PCDH9: variants seen among roughly 807,000 people sequenced by gnomAD.
The protein encoded by PCDH9 is protocadherin-9.
In PCDH9, 24 loss-of-function variants were observed where a neutral mutation model predicts 70.6. That is an observed-to-expected ratio of 0.34 (90% CI 0.25 to 0.48). PCDH9 has a LOEUF of 0.48. Ranked by LOEUF, PCDH9 falls within the 20% of genes least tolerant of loss-of-function variation. The pLI is 0.99. For missense variants in PCDH9, 1,281 were observed against 1,503.6 expected (o/e 0.85, Z 2.45); for synonymous variants, 562 against 558.5 (o/e 1.01, Z -0.09).
chr13:66,372,720 T>C (rs1250969283), intron 4 of PCDH9, among the ~76,000 whole-genome samples: 3 of 151,824 alleles, frequency 2.0e-5, no homozygotes, highest in Non-Finnish European at 4.4e-5. Context: ...GATCTGGGTA[T>C]GAAGCAATTT....
At chr13:66,945,171 C>A (rs1047245678) in intron 2 of PCDH9, among the ~76,000 whole-genome samples, 4 of 151,590 alleles carry the variant, frequency 2.6e-5, no homozygotes, top group African/African-American at 9.7e-5. Flanking sequence ...TTGCTCTGAG[C>A]CAGCTTTTAC....
chr13:66,316,903 A>G (rs1353574914), intron 4 of PCDH9, among the ~76,000 whole-genome samples: 1 of 151,994 alleles, frequency 6.6e-6, no homozygotes, highest in Non-Finnish European at 1.5e-5. Context: ...TTGTATTTTT[A>G]GTAGAGATGG....
At position 66,419,915 on chromosome 13, in the gene PCDH9, T is replaced by A. The variant is rs1014718813; in HGVS notation, c.3341-114887A>T. ...CCCTATGGAACCTAGCAAGCTAAGA[T>A]CCACTGGCTTGAAATTCTCGCTGCC... On this transcript the variant is annotated intron_variant, in intron 4 of 4. Transcript: ENST00000377865. Among the ~76,000 whole-genome samples the A allele has an allele frequency of 3.3e-5, 5 of 152,102 alleles. No homozygotes were observed. In the East Asian group the frequency reaches 9.7e-4, roughly 29 times the overall value.
rs1010132587 is a variant in PCDH9, at chr13:66,653,156, G to C, written c.3139-21745C>G. Among the ~76,000 whole-genome samples the C allele has an allele frequency of 2.6e-5, 4 of 152,048 alleles. No individual in the cohort carries two copies. The East Asian group carries it at 7.7e-4, about 29-fold the overall frequency. On this transcript the variant is annotated intron_variant, in intron 3 of 4. Transcript: ENST00000377865. ...AAATAGACAAATGAGATCACATCAA[G>C]TTAAAAAGCTTCTTCACAGCAAAGG...
chr13:66,649,451 A>G (rs370138234), intron 3 of PCDH9, among the ~76,000 whole-genome samples: 1 of 152,090 alleles, frequency 6.6e-6, no homozygotes, highest in Non-Finnish European at 1.5e-5. Flanking sequence ...CTAGAACAGT[A>G]TATCAAACAA....
At chr13:66,351,417 G>T (rs1187153315) in intron 4 of PCDH9, among the ~76,000 whole-genome samples, 1 of 152,108 alleles carries the variant, frequency 6.6e-6, no homozygotes, top group Non-Finnish European at 1.5e-5. Flanking sequence ...GAAATTAGTT[G>T]TTTGTTGTAT....
chr13:66,508,001 G>A (rs1264642999), intron 4 of PCDH9, among the ~76,000 whole-genome samples: 2 of 152,108 alleles, frequency 1.3e-5, no homozygotes, highest in Admixed American at 6.6e-5. Context: ...GATTACAGGC[G>A]TGAGCCATCG....
intron 2 of PCDH9, among the ~76,000 whole-genome samples, chr13:66,914,053 G>A (rs1480085543): frequency 2.6e-5 from 4 of 151,924 alleles, no homozygotes; most frequent in South Asian, 2.1e-4. Flanking sequence ...TTACAGTGAT[G>A]TTGGATAGGA....
At chr13:66,504,254 T>G (rs1218741244) in intron 4 of PCDH9, among the ~76,000 whole-genome samples, 2 of 152,240 alleles carry the variant, frequency 1.3e-5, no homozygotes, top group African/African-American at 4.8e-5. Context: ...AAGCACATTT[T>G]GATATTTGTG....
Position 66,939,627 on chromosome 13 carries a change from C to T in PCDH9, c.3037-36022G>A, listed in dbSNP as rs533568025. ...AAGTTTTGTATTTTTAGTAGAGACA[C>T]GGCTGGTCTTGAACTCCTGACCTCA... On this transcript the variant is annotated intron_variant, in intron 2 of 4. Transcript: ENST00000377865. 6.6e-5 allele frequency among the ~76,000 whole-genome samples: 10 copies of T among 151,990 alleles called. 1 individual carries two copies. In the South Asian group the frequency reaches 1.9e-3, roughly 28 times the overall value.
chr13:67,132,853 G>T (rs917315666), intron 2 of PCDH9, among the ~76,000 whole-genome samples: 8 of 151,950 alleles, frequency 5.3e-5, no homozygotes, highest in Non-Finnish European at 1.5e-5. Context: ...CTTACTTCTA[G>T]CTAAAACTCT....
chr13:66,729,445 G>A (rs571147898), intron 3 of PCDH9, among the ~76,000 whole-genome samples: 6 of 152,188 alleles, frequency 3.9e-5, no homozygotes, highest in African/African-American at 1.4e-4. Context: ...CCAGAGACAT[G>A]TTCATAAATT....
At chr13:66,773,584 T>G (rs889157799) in intron 3 of PCDH9, among the ~76,000 whole-genome samples, 1 of 150,618 alleles carries the variant, frequency 6.6e-6, no homozygotes, top group Admixed American at 6.6e-5. Flanking sequence ...GAGCCGAGAT[T>G]GCGCTACTGC....
intron 4 of PCDH9, among the ~76,000 whole-genome samples, chr13:66,402,880 A>G (rs1320935061): frequency 6.6e-6 from 1 of 152,214 alleles, no homozygotes; most frequent in Non-Finnish European, 1.5e-5. Context: ...TGTTTTAAAT[A>G]CTTTCCAATG....
chr13:66,845,734 G>T (rs2081197115), intron 3 of PCDH9, among the ~76,000 whole-genome samples: 1 of 152,144 alleles, frequency 6.6e-6, no homozygotes, highest in African/African-American at 2.4e-5. Context: ...CTCCATATGG[G>T]CCGCCACTGC....
chr13:66,674,169 G>C (rs978713198), intron 3 of PCDH9, among the ~76,000 whole-genome samples: 23 of 151,816 alleles, frequency 1.5e-4, no homozygotes, highest in Non-Finnish European at 5.9e-5. Context: ...AAATAATACA[G>C]ATAATATAAC....
chr13:66,945,761 T>C (rs936482020), intron 2 of PCDH9, among the ~76,000 whole-genome samples: 1 of 152,130 alleles, frequency 6.6e-6, no homozygotes, highest in African/African-American at 2.4e-5. Flanking sequence ...GTTCTTCCCT[T>C]CCCATGTTAC....
intron 2 of PCDH9, among the ~76,000 whole-genome samples, chr13:67,183,461 A>G (rs1010908232): frequency 2.0e-5 from 3 of 152,198 alleles, no homozygotes; most frequent in African/African-American, 7.2e-5. Context: ...AACTCCAAAT[A>G]TCTCAGCTGC....
intron 4 of PCDH9, among the ~76,000 whole-genome samples, chr13:66,491,831 T>A (rs187203686): frequency 6.6e-6 from 1 of 152,180 alleles, no homozygotes; most frequent in African/African-American, 2.4e-5. Flanking sequence ...TTTAGACATA[T>A]GTTCTATTAG....
Sources: gnomAD v4.1 joint callset for allele counts (sites outside exome capture counted in the v4.1 genomes callset) on GRCh38, gnomAD v4.1.1 for gene constraint, MANE v1.5 for transcripts, NCBI Gene and HGNC (gene_info 2026-07-23, HGNC 2026-07-21) for gene names.